The following AR variants were observed in gnomAD, a reference collection of about 807,000 sequenced individuals.
AR encodes androgen receptor, also known as dihydrotestosterone receptor.
AR carries 8 observed loss-of-function variants against 53.9 expected under a neutral mutation model. The observed-to-expected ratio is 0.15, with a 90% confidence interval of 0.09 to 0.27. The LOEUF (loss-of-function observed/expected upper bound fraction) is 0.27, where lower values mean the gene tolerates loss of function less well. Among genes scored for constraint, AR ranks in the 10% least tolerant of loss-of-function variants. The pLI is 1.00. For synonymous variants in AR, 359 were observed against 316.4 expected, an observed-to-expected ratio of 1.13 and a Z score of -1.43; for missense variants, 639 against 742.5, an observed-to-expected ratio of 0.86 and a Z score of 1.62.
intron 2 of AR, among the ~76,000 whole-genome samples, chrX:67,680,222 T>C (rs1477158208): frequency 8.9e-6 from 1 of 112,154 alleles, no homozygotes; most frequent in Non-Finnish European, 1.9e-5. Flanking sequence ...GCTTTTCTGA[T>C]CTCTTCCACT....
At chrX:67,560,892 G>C (rs908561585) in intron 1 of AR, among the ~76,000 whole-genome samples, 14 of 111,896 alleles carry the variant, frequency 1.3e-4, no homozygotes, top group African/African-American at 4.2e-4. Flanking sequence ...ACACAATATG[G>C]TTGAAAGAAT....
At chrX:67,659,790 C>T (rs1316179130) in intron 2 of AR, among the ~76,000 whole-genome samples, 1 of 111,730 alleles carries the variant, frequency 9.0e-6, no homozygotes, top group African/African-American at 3.3e-5. Flanking sequence ...GAGGAATCGC[C>T]ACACTGACTT....
At chrX:67,620,924 G>A (rs1224263105) in intron 1 of AR, among the ~76,000 whole-genome samples, 1 of 111,734 alleles carries the variant, frequency 8.9e-6, no homozygotes, top group Non-Finnish European at 1.9e-5. Context: ...CAGAAAGAGG[G>A]TAGCTCCATA....
intron 1 of AR, among the ~76,000 whole-genome samples, chrX:67,592,962 T>C (rs1395011300): frequency 9.0e-6 from 1 of 111,644 alleles, no homozygotes; most frequent in Non-Finnish European, 1.9e-5. Context: ...ACAAGTAAAA[T>C]AGTGCCAAGA....
In AR at chrX:67,723,520, A is replaced by AAC. The variant is rs113528927; in HGVS notation, c.2608-147_2608-146dup. On this transcript the variant is annotated intron_variant, in intron 7 of 7. Coordinates refer to ENST00000374690, the MANE Select transcript of AR (RefSeq NM_000044.6). The stretch of plus-strand genomic sequence containing the variant: ...TCTCTCTCTCTCGCTGTCTCTCTCT[A>AAC]ACACACACACACACACACACGACCT... 7.7e-3 allele frequency among the ~76,000 whole-genome samples: 714 copies of AAC among 93,137 alleles called. 9 individuals are homozygous for AAC. Among genetic ancestry groups the AAC allele is most frequent in the African/African-American group, 0.026 (674 of 26,127 alleles). The allele number at this position is 93,137 out of a possible 115,157, so 80.9% of individuals were successfully genotyped here.
At chrX:67,705,891 C>T (rs1222992552) in intron 3 of AR, among the ~76,000 whole-genome samples, 2 of 111,705 alleles carry the variant, frequency 1.8e-5, no homozygotes, top group Non-Finnish European at 3.8e-5. Context: ...TTTTCTGCAT[C>T]TATTGAGATA....
Position 67,545,754 on chromosome X carries a change from C to G in AR, c.608C>G (p.Ser203Cys). The change falls in exon 1 of 8, where the codon TCC becomes TGC. Residue 203 changes from serine to cysteine, a missense_variant. Ser to Cys is a moderately radical substitution (Grantham distance 112). Around this residue, in one of 5 missense-constraint regions of AR, gnomAD observed 423 missense variants for 377.0 expected, o/e 1.12. Coordinates refer to ENST00000374690, the MANE Select transcript of AR (RefSeq NM_000044.6). Reference sequence around the variant, plus strand: ...CAGCAACAGCAGCAGGAAGCAGTATCCGAAGGCAGCAGCAGCGGGAGAGCG... The same window carrying G: ...CAGCAACAGCAGCAGGAAGCAGTATGCGAAGGCAGCAGCAGCGGGAGAGCG... ...LLQQQQQEAV[S>C]EGSSSGRARE... 1 of 1,211,529 alleles carries G rather than the reference C, an allele frequency of 8.3e-7. No individual in the cohort carries two copies. Among genetic ancestry groups the G allele is most frequent in the Non-Finnish European group, 1.1e-6 (1 of 895,273 alleles).
intron 1 of AR, among the ~76,000 whole-genome samples, chrX:67,628,166 C>A (rs1296139004): frequency 9.0e-6 from 1 of 110,630 alleles, no homozygotes; most frequent in African/African-American, 3.3e-5. Flanking sequence ...TTTTCCAATT[C>A]TGTGAAGAAA....
In AR at chrX:67,544,389, C is replaced by T; in HGVS notation, c.-758C>T. Reference sequence around the variant, plus strand: ...GCCTTCCCCCCCTCCCCCGTCTTCTCTCCCGCAGCTGCCTCAGTCGGCTAC... The same window carrying T: ...GCCTTCCCCCCCTCCCCCGTCTTCTTTCCCGCAGCTGCCTCAGTCGGCTAC... On this transcript the variant is annotated 5_prime_UTR_variant, in exon 1 of 8. Coordinates refer to ENST00000374690, the MANE Select transcript of AR (RefSeq NM_000044.6). 1 of 102,412 alleles carries T rather than the reference C, an allele frequency of 9.8e-6. No homozygotes were observed. The highest frequency in any genetic ancestry group is 1.9e-4 in the East Asian group (1 of 5,267). 8.4% of individuals were successfully genotyped at this position (102,412 alleles called of 1,213,427 possible).
chrX:67,668,390 T>A (rs140402418), intron 2 of AR, among the ~76,000 whole-genome samples: 1,164 of 112,216 alleles, frequency 0.01, 15 homozygotes, highest in African/African-American at 0.036. Context: ...TTTAGAACCA[T>A]CCTTGCATCC....
chrX:67,608,166 C>T (rs761667725), intron 1 of AR, among the ~76,000 whole-genome samples: 1 of 112,053 alleles, frequency 8.9e-6, no homozygotes, highest in East Asian at 2.8e-4. Flanking sequence ...CAGACCAGAC[C>T]AGAGTTTACT....
intron 1 of AR, among the ~76,000 whole-genome samples, chrX:67,565,516 A>G (rs1343625750): frequency 1.8e-5 from 2 of 111,933 alleles, no homozygotes; most frequent in African/African-American, 3.2e-5. Flanking sequence ...TAGGATGTAT[A>G]AATTGCTTGA....
chrX:67,686,005 C>T lies in AR; in HGVS notation c.1769-5C>T, dbSNP rs2147497403. On this transcript the variant is annotated splice_region_variant and splice_polypyrimidine_tract_variant and intron_variant, in intron 2 of 7. Coordinates refer to ENST00000374690, the MANE Select transcript of AR (RefSeq NM_000044.6). ...GTCTATCAACTCTTGTATTTGTTCT[C>T]CCAGGGAAACAGAAGTACCTGTGCG... 1 of 1,209,629 alleles carries T rather than the reference C, an allele frequency of 8.3e-7. No individual in the cohort carries two copies. Among genetic ancestry groups the T allele is most frequent in the East Asian group, 3.0e-5 (1 of 33,762 alleles).
intron 2 of AR, among the ~76,000 whole-genome samples, chrX:67,666,261 G>C (rs550761925): frequency 9.0e-6 from 1 of 110,692 alleles, no homozygotes; most frequent in African/African-American, 3.3e-5. Context: ...CTATCTCTAT[G>C]AGCTCAATTG....
chrX:67,553,889 G>C (rs1010782227), intron 1 of AR, among the ~76,000 whole-genome samples: 3 of 112,009 alleles, frequency 2.7e-5, no homozygotes, highest in African/African-American at 9.7e-5. Context: ...TATTGATCTT[G>C]TATCCTGCAA....
chrX:67,677,411 A>G (rs1044496309), intron 2 of AR, among the ~76,000 whole-genome samples: 1 of 111,845 alleles, frequency 8.9e-6, no homozygotes, highest in African/African-American at 3.3e-5. Flanking sequence ...CTACAAAAAA[A>G]GAATGCACCG....
At chrX:67,699,674 G>A (rs1018209415) in intron 3 of AR, among the ~76,000 whole-genome samples, 22 of 110,496 alleles carry the variant, frequency 2.0e-4, no homozygotes, top group Admixed American at 5.8e-4. Context: ...TCAGAATCTC[G>A]GGGACCGTCT....
At chrX:67,650,511 G>T (rs1289210739) in intron 2 of AR, among the ~76,000 whole-genome samples, 8 of 112,091 alleles carry the variant, frequency 7.1e-5, no homozygotes, top group Non-Finnish European at 1.5e-4. Context: ...AATTCTCTGG[G>T]TTCTAGACCC....
intron 3 of AR, among the ~76,000 whole-genome samples, chrX:67,699,527 C>T (rs1417255801): frequency 8.9e-6 from 1 of 111,836 alleles, no homozygotes; most frequent in Non-Finnish European, 1.9e-5. Flanking sequence ...CCCGTAAGGG[C>T]TCACCTGATG....
Sources: allele counts gnomAD v4.1 joint callset (sites outside exome capture counted in the v4.1 genomes callset), GRCh38; gene constraint gnomAD v4.1.1; regional missense constraint gnomAD v4.1.1; transcripts MANE v1.5; gene names NCBI Gene and HGNC (gene_info 2026-07-23, HGNC 2026-07-21).